Variants in PRR5L observed in about 807,000 individuals in gnomAD.
PRR5L encodes the protein proline-rich protein 5-like.
A neutral mutation model predicts 36.4 loss-of-function variants in PRR5L; 21 were observed. That is an observed-to-expected ratio of 0.58 (90% CI 0.41 to 0.83). The LOEUF is 0.83. Ranked by LOEUF, PRR5L falls within the 40% of genes least tolerant of loss-of-function variation. The probability of loss-of-function intolerance (pLI) is 0.00; values close to 1 mark genes in which losing one functional copy is unlikely to be tolerated. For missense variants in PRR5L, 381 were observed against 473.3 expected, an observed-to-expected ratio of 0.80 and a Z score of 1.81; for synonymous variants, 188 against 197.0, an observed-to-expected ratio of 0.95 and a Z score of 0.38.
intron 1 of PRR5L, among the ~76,000 whole-genome samples, chr11:36,366,564 A>G (rs1857145892): frequency 6.6e-6 from 1 of 152,226 alleles, no homozygotes; most frequent in Admixed American, 6.5e-5. Context: ...TGCTAAAGAG[A>G]TAATTTATAA....
At chr11:36,388,698 CTT>C (rs36056659) in intron 1 of PRR5L, among the ~76,000 whole-genome samples, 2 of 109,132 alleles carry the variant, frequency 1.8e-5, no homozygotes, top group Non-Finnish European at 1.7e-5. Context: ...CTCTTTCTTT[CTT>C]TTTTTTTTTT....
intron 1 of PRR5L, among the ~76,000 whole-genome samples, chr11:36,307,015 A>G (rs1460032879): frequency 6.6e-6 from 1 of 152,212 alleles, no homozygotes; most frequent in Non-Finnish European, 1.5e-5. Flanking sequence ...CACCCTAAAA[A>G]GGACAGGAGC....
intron 1 of PRR5L, among the ~76,000 whole-genome samples, chr11:36,297,837 C>T (rs935396548): frequency 2.6e-5 from 4 of 152,138 alleles, no homozygotes; most frequent in Non-Finnish European, 5.9e-5. Flanking sequence ...TCATTTCCCA[C>T]GTTAAGCTTC....
At chr11:36,348,410 C>G (rs749503463) in intron 1 of PRR5L, among the ~76,000 whole-genome samples, 29 of 152,198 alleles carry the variant, frequency 1.9e-4, no homozygotes, top group Middle Eastern at 3.4e-3. Context: ...GCCTAAAGCC[C>G]GAGTTCCCTG....
chr11:36,447,116 A>G (rs566969204), intron 7 of PRR5L, among the ~76,000 whole-genome samples: 9 of 152,352 alleles, frequency 5.9e-5, no homozygotes, highest in African/African-American at 2.2e-4. Context: ...AATTTGAGCT[A>G]ACACATATTG....
chr11:36,303,890 T>G (rs1385255750), intron 1 of PRR5L, among the ~76,000 whole-genome samples: 2 of 152,216 alleles, frequency 1.3e-5, no homozygotes, highest in Non-Finnish European at 2.9e-5. Context: ...CAACATTGGA[T>G]TTCTGTTAAC....
At chr11:36,416,706 T>A (rs1231515404) in intron 3 of PRR5L, among the ~76,000 whole-genome samples, 1 of 152,184 alleles carries the variant, frequency 6.6e-6, no homozygotes, top group East Asian at 1.9e-4. Context: ...TTTCTCTTCC[T>A]GGGACACTCT....
At chr11:36,363,272 C>T (rs1438944477) in intron 1 of PRR5L, among the ~76,000 whole-genome samples, 1 of 152,212 alleles carries the variant, frequency 6.6e-6, no homozygotes, top group East Asian at 1.9e-4. Context: ...AAGCCCAATT[C>T]TTTGCTGTTA....
chr11:36,351,097 ATATAAATATATATT>A (rs1371949413), intron 1 of PRR5L, among the ~76,000 whole-genome samples: 70 of 109,652 alleles, frequency 6.4e-4, no homozygotes, highest in East Asian at 4.3e-3. Flanking sequence ...TGTATTTTAT[ATATAAATATATATT>A]TATAAATATA....
chr11:36,430,776 G>A (rs960594638), intron 4 of PRR5L, among the ~76,000 whole-genome samples: 1 of 152,186 alleles, frequency 6.6e-6, no homozygotes, highest in Non-Finnish European at 1.5e-5. Flanking sequence ...AGGAGCTTGG[G>A]ACTCAGGGAA....
At chr11:36,400,254 A>G (rs1332466031) in intron 1 of PRR5L, among the ~76,000 whole-genome samples, 1 of 152,252 alleles carries the variant, frequency 6.6e-6, no homozygotes, top group Non-Finnish European at 1.5e-5. Context: ...GCAGGGCACC[A>G]GGGCCTCTGG....
chr11:36,459,133 G>C (rs9630172), intron 8 of PRR5L, among the ~76,000 whole-genome samples: 2 of 152,116 alleles, frequency 1.3e-5, no homozygotes, highest in Non-Finnish European at 2.9e-5. Context: ...AGGCCAGACC[G>C]GTTGCAGTGG....
intron 1 of PRR5L, among the ~76,000 whole-genome samples, chr11:36,354,944 A>G (rs1055882304): frequency 3.3e-5 from 5 of 152,200 alleles, no homozygotes; most frequent in African/African-American, 9.7e-5. Context: ...AATTCAGGAG[A>G]TGGCTAGAGG....
At chr11:36,402,503 AAAGT>A (rs1857818909) in intron 2 of PRR5L, among the ~76,000 whole-genome samples, 1 of 152,198 alleles carries the variant, frequency 6.6e-6, no homozygotes, top group African/African-American at 2.4e-5. Context: ...TCTGCCTCCC[AAAGT>A]GCTGGGATTA....
intron 1 of PRR5L, among the ~76,000 whole-genome samples, chr11:36,372,612 T>C (rs1025020636): frequency 6.6e-6 from 1 of 152,014 alleles, no homozygotes; most frequent in African/African-American, 2.4e-5. Flanking sequence ...GGCAGGAAAA[T>C]GGGCGATCAG....
chr11:36,340,663 G>A (rs987209521), intron 1 of PRR5L, among the ~76,000 whole-genome samples: 1 of 152,156 alleles, frequency 6.6e-6, no homozygotes, highest in African/African-American at 2.4e-5. Flanking sequence ...TCTCAATACA[G>A]AGAATGGAAT....
rs189041344 is a variant in PRR5L at position 36,460,928 on chromosome 11, C to T, written c.713-1414C>T. 1.3e-3 allele frequency among the ~76,000 whole-genome samples: 201 copies of T among 152,326 alleles called. 1 individual carries two copies. The highest frequency in any genetic ancestry group is 6.8e-3 in the Middle Eastern group (2 of 294). ...GCTCAGAACTCTGTCACCCCTTTAC[C>T]GCTTCTGGGAGTTCTGCCATCCTAA... On this transcript the variant is annotated intron_variant, in intron 8 of 8. Transcript: ENST00000530639.
chr11:36,357,857 T>G (rs1857044865), intron 1 of PRR5L, among the ~76,000 whole-genome samples: 8 of 152,256 alleles, frequency 5.3e-5, no homozygotes. Flanking sequence ...AGGAGTAATT[T>G]TGATTTTCAA....
chr11:36,452,213 C>T (rs991777758), intron 8 of PRR5L, among the ~76,000 whole-genome samples: 3 of 152,176 alleles, frequency 2.0e-5, no homozygotes, highest in African/African-American at 7.2e-5. Context: ...ATGGCAGCAA[C>T]GGTACTTCAG....
Sources: gnomAD v4.1 joint callset for allele counts (sites outside exome capture counted in the v4.1 genomes callset) on GRCh38, gnomAD v4.1.1 for gene constraint, MANE v1.5 for transcripts, NCBI Gene and HGNC (gene_info 2026-07-23, HGNC 2026-07-21) for gene names.